Variants in STAR observed in about 807,000 individuals in gnomAD.
STAR encodes the protein steroidogenic acute regulatory protein.
STAR carries 32 observed loss-of-function variants against 32.3 expected under a neutral mutation model. The observed-to-expected ratio is 0.99, with a 90% CI of 0.75 to 1.33. The LOEUF (loss-of-function observed/expected upper bound fraction) is 1.33, where lower values mean the gene tolerates loss of function less well. STAR is among the 40% of genes most tolerant of loss of function. The pLI is 0.00. For synonymous variants in STAR, 134 were observed against 140.5 expected (o/e 0.95, Z 0.33); for missense variants, 375 against 379.0 (o/e 0.99, Z 0.09).
rs1283337324 is a variant in STAR, at chr8:38,150,043, C to T, written c.64+712G>A. Among the ~76,000 whole-genome samples the T allele has an allele frequency of 1.4e-4, 21 of 151,972 alleles. 1 individual carries two copies. The highest frequency in any genetic ancestry group is 1.4e-3 in the Admixed American group (21 of 15,248). On this transcript the variant is annotated intron_variant, in intron 1 of 6. Transcript: ENST00000276449. ...GGCGGAGGTTGCAGTGAGCCGAGAT[C>T]GTGCCACTGCGCTCCAGGCTGGGCA... is the stretch of plus-strand genomic sequence containing the variant.
chr8:38,144,246 G>A lies in STAR; in HGVS notation c.*27C>T. On this transcript the variant is annotated 3_prime_UTR_variant, in exon 7 of 7. Coordinates refer to ENST00000276449, the MANE Select transcript of STAR (RefSeq NM_000349.3). The stretch of plus-strand genomic sequence containing the variant: ...TGAGCGTGTGTACCAGTGCAGCTGG[G>A]CACAGTTGGGAACAGCAGGCTGGTC... The A allele has an allele frequency of 6.3e-7, 1 of 1,589,412 alleles. No individual in the cohort carries two copies. Among genetic ancestry groups the A allele is most frequent in the Non-Finnish European group, 8.6e-7 (1 of 1,167,066 alleles).
chr8:38,142,824 C>T lies in STAR; in HGVS notation c.*1449G>A, dbSNP rs1438667336. On this transcript the variant is annotated 3_prime_UTR_variant, in exon 7 of 7. Transcript: ENST00000276449. ...GCGGGAGCCACCTCACATAAATTCT[C>T]TTGACTCCTGGGAAAGGGAATTTGC... is the stretch of plus-strand genomic sequence containing the variant. Among the ~76,000 whole-genome samples the T allele has an allele frequency of 1.3e-5, 2 of 152,150 alleles. No homozygotes were observed. The highest frequency in any genetic ancestry group is 2.9e-5 in the Non-Finnish European group (2 of 67,994).
At chr8:38,144,484 C>A (rs747290948) in intron 6 of STAR, 98 bp from the exon 7 acceptor site, 2 of 1,531,420 alleles carry the variant, frequency 1.3e-6, no homozygotes, top group Non-Finnish European at 8.8e-7. Context: ...GCTTGGTCTT[C>A]GAGCTCTGTT....
At position 38,146,036 on chromosome 8, in the gene STAR, G is replaced by T. The variant is rs387907235; in HGVS notation, c.577C>A (p.Arg193=). ...CCAGCCAGCACACAGGTGGAGCCTCGGCGCTTGGCACAGCGCACGCTCACA... is the reference window on the plus strand; with the variant it reads ...CCAGCCAGCACACAGGTGGAGCCTCTGCGCTTGGCACAGCGCACGCTCACA... ...DFVSVRCAKR[R]GSTCVLAGMA... is the part of the protein sequence containing the mutation. Residue 193 remains arginine, a synonymous_variant, in exon 5 of 7, where the codon CGA becomes AGA. Coordinates refer to ENST00000276449, the MANE Select transcript of STAR (RefSeq NM_000349.3). 2.5e-6 allele frequency: 4 copies of T among 1,614,184 alleles called. No individual in the cohort carries two copies. In the East Asian group the frequency reaches 8.9e-5, roughly 36 times the overall value.
chr8:38,145,070 C>G, intron 6 of STAR, 152 bp downstream of exon 6: 1 of 1,505,140 alleles, frequency 6.6e-7, no homozygotes, highest in Middle Eastern at 2.4e-4. Context: ...GGTAGAGTAG[C>G]AGTTAGGCCA....
chr8:38,145,418 CTT>C, intron 5 of STAR, 103 bp from the exon 6 acceptor site: 1 of 1,508,866 alleles, frequency 6.6e-7, no homozygotes, highest in Non-Finnish European at 9.1e-7. Flanking sequence ...GGTACCTTGT[CTT>C]TTCTGAGTCT....
At chr8:38,148,476 G>A (rs541370733) in intron 2 of STAR, 149 bp from the exon 3 acceptor site, 65 of 1,404,354 alleles carry the variant, frequency 4.6e-5, no homozygotes, top group Non-Finnish European at 5.9e-5. Flanking sequence ...AATCACAGCC[G>A]CCCCAGGTGA....
intron 3 of STAR, 135 bp downstream of exon 3, chr8:38,148,065 G>T: frequency 8.7e-7 from 1 of 1,152,468 alleles, no homozygotes; most frequent in Non-Finnish European, 1.2e-6. Context: ...AGAAAGGAGA[G>T]TTCTCAAGAT....
intron 1 of STAR, chr8:38,149,102 G>C: frequency 3.0e-6 from 1 of 338,218 alleles, no homozygotes; most frequent in South Asian, 2.6e-5. Context: ...AACTCCTGAG[G>C]CCTGTGTGCT....
At chr8:38,145,400 G>A (rs753148397) in intron 5 of STAR, 85 bp from the exon 6 acceptor site, 71 of 1,556,694 alleles carry the variant, frequency 4.6e-5, no homozygotes, top group South Asian at 2.7e-4. Flanking sequence ...TAGATAACAC[G>A]TTTCTACGGT....
At position 38,143,833 on chromosome 8, in the gene STAR, G is replaced by A; in HGVS notation, c.*440C>T. ...CAGCGGCCGGGAGGAGCAGAGGGCT[G>A]CAGGAGACCCTCTGAGATTCTGCTT... is the stretch of plus-strand genomic sequence containing the variant. On this transcript the variant is annotated 3_prime_UTR_variant, in exon 7 of 7. Transcript: ENST00000276449. The A allele has an allele frequency of 3.6e-6, 1 of 281,614 alleles. No individual in the cohort carries two copies. The allele number at this position is 281,614 out of a possible 1,614,324, so 17.4% of individuals were successfully genotyped here.
At chr8:38,146,708 G>A (rs1802580038) in intron 3 of STAR, among the ~76,000 whole-genome samples, 1 of 151,988 alleles carries the variant, frequency 6.6e-6, no homozygotes, top group African/African-American at 2.4e-5. Context: ...CTGCACGGCA[G>A]AGGTTGCAGT....
chr8:38,149,716 G>T (rs1221308900), intron 1 of STAR, among the ~76,000 whole-genome samples: 2 of 152,200 alleles, frequency 1.3e-5, no homozygotes, highest in African/African-American at 4.8e-5. Flanking sequence ...GTGCACGCCT[G>T]TGGTCCCAGC....
rs573254397 is a variant in STAR at position 38,143,065 on chromosome 8, T to G, written c.*1208A>C. ...TTTTAATTAGGTAAATAAACAGTTA[T>G]AATCTTCATCTTCCAGGGCCCATTA... On this transcript the variant is annotated 3_prime_UTR_variant, in exon 7 of 7. Coordinates refer to ENST00000276449, the MANE Select transcript of STAR (RefSeq NM_000349.3). Among the ~76,000 whole-genome samples the G allele has an allele frequency of 6.6e-6, 1 of 152,212 alleles. No individual in the cohort carries two copies. Among genetic ancestry groups the G allele is most frequent in the Non-Finnish European group, 1.5e-5 (1 of 68,038 alleles).
Position 38,143,687 on chromosome 8 carries a change from A to G in STAR, c.*586T>C, listed in dbSNP as rs752456740. On this transcript the variant is annotated 3_prime_UTR_variant, in exon 7 of 7. Transcript: ENST00000276449. The stretch of plus-strand genomic sequence containing the variant: ...TGATTCTTTATTCTGACTGGTGCCT[A>G]TGAAAGCAATAGGGAAACATGTCTA... 2 of 164,192 alleles carry G rather than the reference A, an allele frequency of 1.2e-5. No individual in the cohort carries two copies. Among genetic ancestry groups the G allele is most frequent in the Non-Finnish European group, 2.7e-5 (2 of 74,524 alleles). The allele number at this position is 164,192 out of a possible 1,614,324, so 10.2% of individuals were successfully genotyped here. A position where few individuals can be genotyped will look rare whatever the true frequency, so the allele number is the denominator to read the frequency against.
At chr8:38,150,724 C>T (rs1274936625) in intron 1 of STAR, 31 bp downstream of exon 1, 2 of 1,604,574 alleles carry the variant, frequency 1.2e-6, no homozygotes, top group Non-Finnish European at 1.7e-6. Flanking sequence ...AGCTGGCCAA[C>T]CCCTCATCGC....
chr8:38,143,490 AGAGACGGGG>A lies in STAR; in HGVS notation c.*774_*782del, dbSNP rs1802503679. On this transcript the variant is annotated 3_prime_UTR_variant, in exon 7 of 7. Transcript: ENST00000276449. ...CCCAGCTAATTTTTTGTATTTTAGT[AGAGACGGGG>A]TTTCACCATGTTGGCCAGGATGGTC... Among the ~76,000 whole-genome samples the A allele has an allele frequency of 3.3e-5, 5 of 152,066 alleles. No homozygotes were observed. Among genetic ancestry groups the A allele is most frequent in the African/African-American group, 9.7e-5 (4 of 41,412 alleles).
Position 38,144,178 on chromosome 8 carries a change from T to G in STAR, c.*95A>C. On this transcript the variant is annotated 3_prime_UTR_variant, in exon 7 of 7. Coordinates refer to ENST00000276449, the MANE Select transcript of STAR (RefSeq NM_000349.3). ...CCCCACCCATCCCACTGTCACCAGA[T>G]GGAGATCTTAGACTTGCAGGCTTCC... 2 of 1,286,636 alleles carry G rather than the reference T, an allele frequency of 1.6e-6. No homozygotes were observed. Among genetic ancestry groups the G allele is most frequent in the Non-Finnish European group, 2.2e-6 (2 of 916,586 alleles). 79.7% of individuals were successfully genotyped at this position (1,286,636 alleles called of 1,614,324 possible).
chr8:38,144,910 G>C, intron 6 of STAR: 1 of 894,822 alleles, frequency 1.1e-6, no homozygotes, highest in Non-Finnish European at 1.5e-6. Flanking sequence ...TCAGGAGGCT[G>C]AGGCGGAAGA....
Sources: gnomAD v4.1 joint callset for allele counts (sites outside exome capture counted in the v4.1 genomes callset) on GRCh38, gnomAD v4.1.1 for gene constraint, MANE v1.5 for transcripts, NCBI Gene and HGNC (gene_info 2026-07-23, HGNC 2026-07-21) for gene names.